HECW2: variants seen among roughly 807,000 people sequenced by gnomAD.
HECW2 encodes the protein HECT, C2 and WW domain containing E3 ubiquitin protein ligase 2.
A neutral mutation model predicts 175.2 loss-of-function variants in HECW2; 61 were observed. That is an observed-to-expected ratio of 0.35 (90% confidence interval 0.28 to 0.43). The LOEUF is 0.43. Among genes scored for constraint, HECW2 ranks in the 20% least tolerant of loss-of-function variants. The pLI, the probability that HECW2 is intolerant of heterozygous loss-of-function variation, is 1.00. For missense variants in HECW2, 1,524 were observed against 2,000.5 expected, an observed-to-expected ratio of 0.76 and a Z score of 4.54; for synonymous variants, 671 against 731.0, an observed-to-expected ratio of 0.92 and a Z score of 1.32.
chr2:196,353,619 C>T (rs1268259364), intron 2 of HECW2, among the ~76,000 whole-genome samples: 2 of 152,196 alleles, frequency 1.3e-5, no homozygotes, highest in Non-Finnish European at 2.9e-5. Flanking sequence ...TGATGAAATG[C>T]CACCTTCAAG....
chr2:196,310,192 A>C (rs928770256), intron 10 of HECW2, among the ~76,000 whole-genome samples: 3 of 152,244 alleles, frequency 2.0e-5, no homozygotes, highest in African/African-American at 4.8e-5. Flanking sequence ...TTTATAGTTC[A>C]ATAAAGACCT....
At chr2:196,218,274 A>G (rs1415998720) in intron 26 of HECW2, 1 of 152,198 alleles carries the variant, frequency 6.6e-6, no homozygotes, top group East Asian at 1.9e-4. Flanking sequence ...ATTCTCTCCT[A>G]GCAGCTGGGG....
At chr2:196,540,625 T>A (rs570460662) in intron 1 of HECW2, among the ~76,000 whole-genome samples, 1 of 152,166 alleles carries the variant, frequency 6.6e-6, no homozygotes. Context: ...TTAATGTTTT[T>A]GTAAAGACGG....
chr2:196,340,767 T>A (rs1692721932), intron 3 of HECW2, among the ~76,000 whole-genome samples: 1 of 152,048 alleles, frequency 6.6e-6, no homozygotes, highest in Non-Finnish European at 1.5e-5. Flanking sequence ...CAAAGGAGAA[T>A]CTTTCTGAAA....
intron 2 of HECW2, among the ~76,000 whole-genome samples, chr2:196,367,527 C>A (rs912771583): frequency 2.6e-5 from 4 of 152,094 alleles, no homozygotes; most frequent in African/African-American, 9.7e-5. Flanking sequence ...TTTAAATGTA[C>A]AATAAATTAT....
chr2:196,331,092 T>G, intron 4 of HECW2: 2 of 945,828 alleles, frequency 2.1e-6, no homozygotes, highest in Non-Finnish European at 2.5e-6. Context: ...CCGCTGTAAC[T>G]CCTGTACCTT....
At chr2:196,231,071 C>T (rs1340342454) in intron 21 of HECW2, among the ~76,000 whole-genome samples, 1 of 110,662 alleles carries the variant, frequency 9.0e-6, no homozygotes, top group Non-Finnish European at 1.7e-5. Flanking sequence ...TCCAGCCTGG[C>T]GACAGAGCAG....
chr2:196,332,892 T>C (rs1692419586), intron 4 of HECW2, among the ~76,000 whole-genome samples: 1 of 152,164 alleles, frequency 6.6e-6, no homozygotes, highest in African/African-American at 2.4e-5. Flanking sequence ...ACCTTCAAAG[T>C]CTTATATAGT....
chr2:196,207,991 T>C (rs1481657145), intron 28 of HECW2, among the ~76,000 whole-genome samples: 1 of 152,222 alleles, frequency 6.6e-6, no homozygotes, highest in East Asian at 1.9e-4. Flanking sequence ...TTTTCAAATG[T>C]AAGAATTTAA....
chr2:196,429,247 G>GC (rs201408125), intron 2 of HECW2, among the ~76,000 whole-genome samples: 15 of 151,946 alleles, frequency 9.9e-5, no homozygotes, highest in Non-Finnish European at 4.4e-5. Flanking sequence ...GCCTGGGGGG[G>GC]GCCTACCTGC....
chr2:196,223,198 ATAAGT>A (rs1473935064), intron 23 of HECW2, among the ~76,000 whole-genome samples: 2 of 152,224 alleles, frequency 1.3e-5, no homozygotes, highest in African/African-American at 4.8e-5. Flanking sequence ...ACACAAACAG[ATAAGT>A]TAATATAAAG....
intron 1 of HECW2, among the ~76,000 whole-genome samples, chr2:196,491,820 C>A (rs1687207210): frequency 6.6e-6 from 1 of 151,890 alleles, no homozygotes; most frequent in Admixed American, 6.6e-5. Flanking sequence ...TTATAATTCT[C>A]TACATACTAG....
In HECW2 at chr2:196,278,668, A is replaced by G. The variant is rs1690070858; in HGVS notation, c.3001-6T>C. 3 of 1,613,854 alleles carry G rather than the reference A, an allele frequency of 1.9e-6. No individual in the cohort carries two copies. The African/African-American group carries it at 4.0e-5, about 22-fold the overall frequency. On this transcript the variant is annotated splice_polypyrimidine_tract_variant and splice_region_variant and intron_variant, in intron 14 of 28. Transcript: ENST00000644978. ...TTGTGGTCCACAAAGAATGCCTAGG[A>G]TACAATACACTGAGTCAAATACATG...
chr2:196,538,724 C>G (rs545977335), intron 1 of HECW2, among the ~76,000 whole-genome samples: 2 of 152,278 alleles, frequency 1.3e-5, no homozygotes, highest in East Asian at 3.9e-4. Context: ...GACAATTTTG[C>G]TTTTGCTCGT....
intron 14 of HECW2, among the ~76,000 whole-genome samples, chr2:196,283,604 C>G (rs1050603671): frequency 6.6e-6 from 1 of 152,078 alleles, no homozygotes; most frequent in Non-Finnish European, 1.5e-5. Context: ...TGGTGTTGAA[C>G]TCCTGACCTC....
rs971519765 is a variant in HECW2, at chr2:196,198,664, A to G, written c.*2613T>C. 1 of 152,244 alleles carries G rather than the reference A, an allele frequency of 6.6e-6. No individual in the cohort carries two copies. Among genetic ancestry groups the G allele is most frequent in the African/African-American group, 2.4e-5 (1 of 41,462 alleles). 9.4% of individuals were successfully genotyped at this position (152,244 alleles called of 1,614,324 possible). ...CTATAGTATAAAGAGCATCACTTAA[A>G]ATAAGACCAGAAAGCCTAGTTATCT... On this transcript the variant is annotated 3_prime_UTR_variant, in exon 29 of 29. Coordinates refer to ENST00000644978, the MANE Select transcript of HECW2 (RefSeq NM_001348768.2).
chr2:196,481,771 C>A (rs1686851329), intron 1 of HECW2, among the ~76,000 whole-genome samples: 1 of 127,274 alleles, frequency 7.9e-6, no homozygotes, highest in Non-Finnish European at 1.5e-5. Context: ...ATATGGAAGA[C>A]AAACCATGGT....
chr2:196,275,193 TC>T (rs767225974), intron 15 of HECW2, among the ~76,000 whole-genome samples: 1 of 152,100 alleles, frequency 6.6e-6, no homozygotes, highest in Non-Finnish European at 1.5e-5. Flanking sequence ...GTCTTCCCTC[TC>T]CTTCAAGCCC....
intron 1 of HECW2, among the ~76,000 whole-genome samples, chr2:196,591,215 G>A (rs2125540847): frequency 6.6e-6 from 1 of 152,334 alleles, no homozygotes; most frequent in South Asian, 2.1e-4. Context: ...GAATGTCTTA[G>A]ACTGGGAAAT....
Sources: allele counts gnomAD v4.1 joint callset (sites outside exome capture counted in the v4.1 genomes callset), GRCh38; gene constraint gnomAD v4.1.1; transcripts MANE v1.5; gene names NCBI Gene and HGNC (gene_info 2026-07-23, HGNC 2026-07-21).